RALYL: variants seen among roughly 807,000 people sequenced by gnomAD.
The protein encoded by RALYL is RNA-binding Raly-like protein.
In RALYL, 29 loss-of-function variants were observed where a neutral mutation model predicts 35.1. The ratio of observed to expected loss-of-function variants is 0.83; its 90% CI spans 0.61 to 1.13. RALYL has a LOEUF of 1.13. RALYL is among the 50% of genes most tolerant of loss of function. The pLI, the probability that RALYL is intolerant of heterozygous loss-of-function variation, is 0.00. For synonymous variants in RALYL, 120 were observed against 127.6 expected, an observed-to-expected ratio of 0.94 and a Z score of 0.40; for missense variants, 359 against 360.4, an observed-to-expected ratio of 1.00 and a Z score of 0.03.
At chr8:84,919,658 G>T (rs1480352587) in intron 8 of RALYL, among the ~76,000 whole-genome samples, 1 of 152,048 alleles carries the variant, frequency 6.6e-6, no homozygotes, top group African/African-American at 2.4e-5. Context: ...GTGAAGGAGA[G>T]AAATAGAGAG....
intron 2 of RALYL, among the ~76,000 whole-genome samples, chr8:84,702,012 C>G (rs1840289109): frequency 6.6e-6 from 1 of 152,084 alleles, no homozygotes; most frequent in Non-Finnish European, 1.5e-5. Flanking sequence ...AACCTCTTAG[C>G]TTCACTTTAC....
chr8:84,614,436 G>A (rs1818981561), intron 2 of RALYL, among the ~76,000 whole-genome samples: 1 of 151,616 alleles, frequency 6.6e-6, no homozygotes, highest in Non-Finnish European at 1.5e-5. Context: ...CTCCTGCATG[G>A]AAGAGTGGTC....
chr8:84,804,695 A>T, intron 3 of RALYL, 75 bp from the exon 4 acceptor site: 1 of 689,626 alleles, frequency 1.5e-6, no homozygotes, highest in Non-Finnish European at 2.1e-6. Context: ...TAATTTTGTC[A>T]GGTTCATGTA....
intron 1 of RALYL, among the ~76,000 whole-genome samples, chr8:84,235,401 T>C (rs978288177): frequency 3.3e-5 from 5 of 152,230 alleles, no homozygotes; most frequent in African/African-American, 1.2e-4. Context: ...CCCCTTTTAC[T>C]TCATGTACCA....
intron 2 of RALYL, among the ~76,000 whole-genome samples, chr8:84,540,506 A>C (rs2059949952): frequency 1.3e-5 from 2 of 151,912 alleles, no homozygotes; most frequent in African/African-American, 4.8e-5. Context: ...ACAACAATTG[A>C]TCTTTGATTG....
At chr8:84,222,999 C>A (rs1408779302) in intron 1 of RALYL, among the ~76,000 whole-genome samples, 2 of 152,086 alleles carry the variant, frequency 1.3e-5, no homozygotes, top group African/African-American at 4.8e-5. Context: ...ATGGTGTCTT[C>A]AGAATTTAAG....
intron 1 of RALYL, among the ~76,000 whole-genome samples, chr8:84,383,020 G>A (rs1372704050): frequency 6.6e-6 from 1 of 151,708 alleles, no homozygotes; most frequent in Non-Finnish European, 1.5e-5. Flanking sequence ...TATATTCTCA[G>A]TGTTTAACAA....
intron 8 of RALYL, among the ~76,000 whole-genome samples, chr8:84,894,949 C>T (rs1161501647): frequency 1.3e-5 from 2 of 152,142 alleles, no homozygotes. Flanking sequence ...AAGCCACTTA[C>T]CTGTGCCTTC....
chr8:84,325,192 C>T (rs1845579427), intron 1 of RALYL, among the ~76,000 whole-genome samples: 1 of 152,146 alleles, frequency 6.6e-6, no homozygotes, highest in Non-Finnish European at 1.5e-5. Flanking sequence ...ACAACTTGCT[C>T]TCAGATACTG....
intron 1 of RALYL, among the ~76,000 whole-genome samples, chr8:84,208,928 TA>T (rs932947074): frequency 5.9e-4 from 89 of 151,946 alleles, no homozygotes; most frequent in African/African-American, 1.9e-3. Context: ...AATAGATGAA[TA>T]AGGAAGGAGA....
intron 2 of RALYL, among the ~76,000 whole-genome samples, chr8:84,575,041 C>T (rs570095063): frequency 6.5e-4 from 99 of 152,230 alleles, no homozygotes; most frequent in Non-Finnish European, 1.2e-3. Flanking sequence ...ATGCAGATAA[C>T]TTCAACCTCA....
intron 1 of RALYL, among the ~76,000 whole-genome samples, chr8:84,372,360 C>A (rs73298712): frequency 0.03 from 4,518 of 152,040 alleles, 219 homozygotes; most frequent in African/African-American, 0.1. Flanking sequence ...CCTAGCATTG[C>A]TTTAGTCTGA....
At chr8:84,235,181 CTTT>C (rs1563581341) in intron 1 of RALYL, among the ~76,000 whole-genome samples, 2 of 152,190 alleles carry the variant, frequency 1.3e-5, no homozygotes, top group South Asian at 4.1e-4. Flanking sequence ...TTCAGAGTTT[CTTT>C]TTATTTAATT....
At chr8:84,226,048 A>C (rs6987387) in intron 1 of RALYL, among the ~76,000 whole-genome samples, 5 of 152,022 alleles carry the variant, frequency 3.3e-5, no homozygotes, top group Non-Finnish European at 7.4e-5. Context: ...TCTGTGGCCT[A>C]TTAGGAACCA....
intron 2 of RALYL, among the ~76,000 whole-genome samples, chr8:84,635,278 C>T (rs890033763): frequency 6.6e-6 from 1 of 151,412 alleles, no homozygotes; most frequent in Non-Finnish European, 1.5e-5. Context: ...AAAATAAGTC[C>T]AATTATCTTC....
chr8:84,851,684 A>G (rs1835893654), intron 5 of RALYL, among the ~76,000 whole-genome samples: 1 of 152,204 alleles, frequency 6.6e-6, no homozygotes. Context: ...AAGTTCCACA[A>G]GAATTCCATG....
intron 1 of RALYL, among the ~76,000 whole-genome samples, chr8:84,509,662 A>C (rs1286577004): frequency 6.6e-6 from 1 of 152,170 alleles, no homozygotes; most frequent in African/African-American, 2.4e-5. Context: ...TTTCACATTT[A>C]GGTCAAGGAT....
intron 1 of RALYL, among the ~76,000 whole-genome samples, chr8:84,311,681 T>G (rs1842844123): frequency 6.6e-6 from 1 of 152,136 alleles, no homozygotes; most frequent in Non-Finnish European, 1.5e-5. Context: ...TGTCATGATT[T>G]CTGGATAAGA....
chr8:84,342,277 A>AATATATATATATAT (rs57901276), intron 1 of RALYL, among the ~76,000 whole-genome samples: 1,555 of 66,106 alleles, frequency 0.024, 269 homozygotes, highest in Non-Finnish European at 0.032. Flanking sequence ...AGCATCGTTC[A>AATATATATATATAT]ATATATATAT....
Sources: allele counts gnomAD v4.1 joint callset (sites outside exome capture counted in the v4.1 genomes callset), GRCh38; gene constraint gnomAD v4.1.1; transcripts MANE v1.5; gene names NCBI Gene and HGNC (gene_info 2026-07-23, HGNC 2026-07-21).